Variants in IKBKB observed in about 807,000 individuals in gnomAD.
The protein encoded by IKBKB is inhibitor of nuclear factor kappa B kinase subunit beta.
IKBKB carries 42 observed loss-of-function variants against 113.6 expected under a neutral mutation model. That is an observed-to-expected ratio of 0.37 (90% CI 0.29 to 0.48). The LOEUF (loss-of-function observed/expected upper bound fraction) is 0.48. IKBKB is among the 20% of genes least tolerant of loss of function. The pLI is 0.99. For synonymous variants in IKBKB, 296 were observed against 361.3 expected, an observed-to-expected ratio of 0.82 and a Z score of 2.05; for missense variants, 673 against 939.7, an observed-to-expected ratio of 0.72 and a Z score of 3.71.
intron 5 of IKBKB, among the ~76,000 whole-genome samples, chr8:42,299,171 A>G (rs1279167997): frequency 6.6e-6 from 1 of 151,952 alleles, no homozygotes; most frequent in East Asian, 1.9e-4. Context: ...TCATGGTGCC[A>G]CTTTCTGCCC....
chr8:42,271,770 G>C (rs957887941), intron 1 of IKBKB: 1 of 502,952 alleles, frequency 2.0e-6, no homozygotes, highest in African/African-American at 2.0e-5. Context: ...CAGAAGGCGG[G>C]CAGGCCCGGG....
intron 7 of IKBKB, among the ~76,000 whole-genome samples, chr8:42,308,585 A>C (rs1312052881): frequency 6.6e-6 from 1 of 152,182 alleles, no homozygotes; most frequent in South Asian, 2.1e-4. Flanking sequence ...CGTGTGAGCC[A>C]CTGCGTCCAG....
At chr8:42,297,622 C>T (rs1323530091) in intron 5 of IKBKB, among the ~76,000 whole-genome samples, 2 of 152,178 alleles carry the variant, frequency 1.3e-5, no homozygotes, top group African/African-American at 4.8e-5. Context: ...TGGCCAGGCG[C>T]GGTGGCTCAT....
intron 2 of IKBKB, among the ~76,000 whole-genome samples, chr8:42,285,197 G>C (rs1811174766): frequency 6.6e-6 from 1 of 152,120 alleles, no homozygotes; most frequent in South Asian, 2.1e-4. Flanking sequence ...TTCTTGAAAA[G>C]CTTGAGATGG....
chr8:42,281,892 C>T (rs1294220279), intron 2 of IKBKB, among the ~76,000 whole-genome samples: 1 of 152,136 alleles, frequency 6.6e-6, no homozygotes, highest in African/African-American at 2.4e-5. Flanking sequence ...CTGTGAGTTT[C>T]CCCTGAGTCG....
rs997281695 is a variant in IKBKB, at chr8:42,331,282, A to G, written c.*303A>G. The G allele has an allele frequency of 3.0e-5, 21 of 702,088 alleles. No homozygotes were observed. Among genetic ancestry groups the G allele is most frequent in the Non-Finnish European group, 2.3e-5 (9 of 385,276 alleles). 43.5% of individuals were successfully genotyped at this position (702,088 alleles called of 1,614,324 possible). A position where few individuals can be genotyped will look rare whatever the true frequency, so the allele number is the denominator to read the frequency against. The stretch of plus-strand genomic sequence containing the variant: ...CCTCCATTACAGAGGCCCAGCGCAC[A>G]TCGCTGGCCCCACAAACGTTCAGGG... On this transcript the variant is annotated 3_prime_UTR_variant, in exon 22 of 22. Coordinates refer to ENST00000520810, the MANE Select transcript of IKBKB (RefSeq NM_001556.3).
At chr8:42,325,221 C>T (rs1358179481) in intron 19 of IKBKB, 3 of 985,292 alleles carry the variant, frequency 3.0e-6, no homozygotes, top group East Asian at 2.3e-4. Flanking sequence ...CCTGCTTGAC[C>T]CTTCGGGCTG....
At chr8:42,314,766 C>T (rs1818358501) in intron 9 of IKBKB, among the ~76,000 whole-genome samples, 1 of 148,536 alleles carries the variant, frequency 6.7e-6, no homozygotes, top group African/African-American at 2.5e-5. Context: ...CAGAGTGAGA[C>T]TCCATCTCAA....
intron 6 of IKBKB, among the ~76,000 whole-genome samples, chr8:42,305,994 C>T (rs933372801): frequency 2.0e-5 from 3 of 152,252 alleles, no homozygotes; most frequent in African/African-American, 7.2e-5. Flanking sequence ...GATTTGAGAA[C>T]TGAGGGCATT....
At chr8:42,274,784 GCGCCC>G (rs1167355754) in intron 2 of IKBKB, among the ~76,000 whole-genome samples, 2,772 of 41,692 alleles carry the variant, frequency 0.066, 394 homozygotes, top group African/African-American at 0.085. Flanking sequence ...CCCCGCCGGC[GCGCCC>G]CCCCCCCCCC....
At chr8:42,293,691 C>T (rs764026655) in intron 5 of IKBKB, 179 bp downstream of exon 5, 26 of 930,734 alleles carry the variant, frequency 2.8e-5, no homozygotes, top group Non-Finnish European at 4.0e-5. Flanking sequence ...GTCAGCCAGA[C>T]AGATGCTGAA....
At chr8:42,320,927 C>A (rs1344411988) in intron 16 of IKBKB, 83 bp downstream of exon 16, 8 of 815,508 alleles carry the variant, frequency 9.8e-6, no homozygotes, top group Non-Finnish European at 1.5e-5. Context: ...AGGGCACCCT[C>A]AGTGGCTGTG....
rs199613105 is a variant in IKBKB at position 42,309,041 on chromosome 8, G to T, written c.692+16G>T. On this transcript the variant is annotated intron_variant, in intron 8 of 21. Transcript: ENST00000520810. ...CCGTGCAGTGGTGAGTGGGCCCGGG[G>T]CACCTGGATGGAGGAGGGAGCCTGT... The T allele has an allele frequency of 1.2e-6, 2 of 1,610,828 alleles. No homozygotes were observed. Among genetic ancestry groups the T allele is most frequent in the Non-Finnish European group, 1.7e-6 (2 of 1,178,274 alleles).
At chr8:42,279,687 C>T (rs1369003477) in intron 2 of IKBKB, among the ~76,000 whole-genome samples, 1 of 152,134 alleles carries the variant, frequency 6.6e-6, no homozygotes, top group African/African-American at 2.4e-5. Flanking sequence ...AGGATTGGAA[C>T]CTGCGTCTGT....
Position 42,316,279 on chromosome 8 carries a change from G to A in IKBKB, c.870G>A (p.Thr290=), listed in dbSNP as rs202225177. 11 of 1,614,004 alleles carry A rather than the reference G, an allele frequency of 6.8e-6. No homozygotes were observed. Among genetic ancestry groups the A allele is most frequent in the Admixed American group, 1.7e-5 (1 of 59,998 alleles). ...MLMWHPRQRG[T]DPTYGPNGCF... ...TGTGGCACCCCCGACAGAGGGGCAC[G>A]GATCCCACGTATGGGCCCAATGGCT... Residue 290 remains threonine (T), a synonymous_variant, in exon 10 of 22, where the codon ACG becomes ACA. Coordinates refer to ENST00000520810, the MANE Select transcript of IKBKB (RefSeq NM_001556.3). The surrounding 1 kb of genome is among the most constrained non-coding windows in gnomAD (Gnocchi z 4.5).
rs572374433 is a variant in IKBKB, at chr8:42,279,874, G to A, written c.105+7669G>A. Among the ~76,000 whole-genome samples, 9 of 152,162 alleles carry A rather than the reference G, an allele frequency of 5.9e-5. No individual in the cohort carries two copies. In the South Asian group the frequency reaches 1.7e-3, roughly 28 times the overall value. On this transcript the variant is annotated intron_variant, in intron 2 of 21. Transcript: ENST00000520810. ...TTTTGTTGTTTGTTTTTTGAGACAG[G>A]GTCTCCCTCTGTCACCCAGACTGGA...
At chr8:42,307,375 A>G (rs1365115975) in intron 7 of IKBKB, among the ~76,000 whole-genome samples, 1 of 152,212 alleles carries the variant, frequency 6.6e-6, no homozygotes, top group Non-Finnish European at 1.5e-5. Flanking sequence ...ACTTTATCTT[A>G]AAACCTCTGC....
chr8:42,331,540 G>T lies in IKBKB; in HGVS notation c.*561G>T. On this transcript the variant is annotated 3_prime_UTR_variant, in exon 22 of 22. Coordinates refer to ENST00000520810, the MANE Select transcript of IKBKB (RefSeq NM_001556.3). ...CTCCTAAACAGACAGTTTAATTATA[G>T]TTGCGGCCTGGCCCCATCCTCACTT... The T allele has an allele frequency of 1.6e-6, 1 of 621,070 alleles. No homozygotes were observed. The highest frequency in any genetic ancestry group is 2.9e-6 in the Non-Finnish European group (1 of 346,214). The allele number at this position is 621,070 out of a possible 1,614,324, so 38.5% of individuals were successfully genotyped here. A position where few individuals can be genotyped will look rare whatever the true frequency, so the allele number is the denominator to read the frequency against.
intron 7 of IKBKB, among the ~76,000 whole-genome samples, chr8:42,307,997 C>T (rs545360890): frequency 8.5e-5 from 13 of 152,344 alleles, no homozygotes; most frequent in African/African-American, 3.1e-4. Flanking sequence ...CCCGTGCTGC[C>T]GCCCCTTCTT....
Sources: gnomAD v4.1 joint callset for allele counts (sites outside exome capture counted in the v4.1 genomes callset) on GRCh38, gnomAD v4.1.1 for gene constraint, Gnocchi (gnomAD v3.1) non-coding constraint, MANE v1.5 for transcripts, NCBI Gene and HGNC (gene_info 2026-07-23, HGNC 2026-07-21) for gene names.